The following LTBP1 variants were observed in gnomAD, a reference collection of about 807,000 sequenced individuals.
The protein encoded by LTBP1 is latent-transforming growth factor beta-binding protein 1.
LTBP1 carries 129 observed loss-of-function variants against 207.6 expected under a neutral mutation model. The ratio of observed to expected loss-of-function variants is 0.62; its 90% CI spans 0.54 to 0.72. The LOEUF is 0.72. Among genes scored for constraint, LTBP1 ranks in the 30% least tolerant of loss-of-function variants. LTBP1 has a pLI of 0.00. For synonymous variants in LTBP1, 963 were observed against 833.7 expected (o/e 1.16, Z -2.67); for missense variants, 2,281 against 2,217.2 (o/e 1.03, Z -0.58).
At chr2:33,269,164 AAAGT>A (rs1361567083) in intron 15 of LTBP1, among the ~76,000 whole-genome samples, 4 of 152,222 alleles carry the variant, frequency 2.6e-5, no homozygotes. Flanking sequence ...AAAAAAGCTA[AAAGT>A]CAGTATAGTC....
chr2:33,364,579 G>A (rs911206765), intron 30 of LTBP1, among the ~76,000 whole-genome samples: 31 of 152,204 alleles, frequency 2.0e-4, no homozygotes, highest in African/African-American at 7.2e-4. Context: ...TATGGACTAT[G>A]GAGTGGCTGA....
chr2:33,224,112 G>GA (rs2091296002), intron 9 of LTBP1, among the ~76,000 whole-genome samples: 1 of 152,138 alleles, frequency 6.6e-6, no homozygotes, highest in Admixed American at 6.5e-5. Flanking sequence ...AACCTTATAT[G>GA]CTGTTCAGGA....
At chr2:32,993,507 A>G (rs1384631056) in intron 2 of LTBP1, among the ~76,000 whole-genome samples, 1 of 152,200 alleles carries the variant, frequency 6.6e-6, no homozygotes, top group Non-Finnish European at 1.5e-5. Context: ...CCCTCAGGAA[A>G]TCCTTGCTCT....
chr2:33,254,852 G>GTTTGTTT (rs2092794627), intron 11 of LTBP1, among the ~76,000 whole-genome samples: 1 of 10,366 alleles, frequency 9.6e-5, no homozygotes, highest in Non-Finnish European at 1.5e-4. Context: ...GCGGTGTTTG[G>GTTTGTTT]TTTTTTTTTT....
chr2:33,134,704 T>C lies in LTBP1; in HGVS notation c.1034-89T>C. ...CCCCTCTTGCTCCTTTCTTTTCTTT[T>C]TTTCTGTTTTTTTAAACCTTCCAAG... On this transcript the variant is annotated intron_variant, in intron 4 of 33. Transcript: ENST00000404816. This position sits in a 1 kb window ranked among gnomAD's most constrained non-coding sequence, Gnocchi z 4.4. The C allele has an allele frequency of 6.2e-7, 1 of 1,607,600 alleles. No individual in the cohort carries two copies. Among genetic ancestry groups the C allele is most frequent in the Non-Finnish European group, 8.5e-7 (1 of 1,178,012 alleles).
intron 5 of LTBP1, among the ~76,000 whole-genome samples, chr2:33,161,261 C>CT (rs2084440374): frequency 6.9e-6 from 1 of 144,292 alleles, no homozygotes. Context: ...TTTTTTTTTT[C>CT]CTTTTTTTTT....
At chr2:33,293,316 T>C in intron 20 of LTBP1, 34 bp downstream of exon 20, 1 of 1,577,112 alleles carries the variant, frequency 6.3e-7, no homozygotes, top group Middle Eastern at 1.7e-4. Flanking sequence ...CATTTTTATT[T>C]AAACTTCATT....
intron 3 of LTBP1, among the ~76,000 whole-genome samples, chr2:33,108,962 G>C (rs1312771696): frequency 1.3e-5 from 2 of 152,224 alleles, no homozygotes; most frequent in Non-Finnish European, 2.9e-5. Context: ...TTAGTCATTA[G>C]TCTGGTGACA....
chr2:33,365,301 C>A (rs761192022), intron 30 of LTBP1, 32 bp from the exon 31 acceptor site: 1 of 1,597,518 alleles, frequency 6.3e-7, no homozygotes, highest in African/African-American at 1.3e-5. Context: ...AATAACTGTG[C>A]GATTTTCATG....
chr2:33,309,949 CTTTTT>C (rs397984258), intron 23 of LTBP1, among the ~76,000 whole-genome samples: 2 of 136,416 alleles, frequency 1.5e-5, no homozygotes, highest in African/African-American at 5.4e-5. Context: ...CCCGCCATTG[CTTTTT>C]TTTTTTTTTT....
intron 3 of LTBP1, among the ~76,000 whole-genome samples, chr2:33,021,738 C>A (rs574417407): frequency 6.6e-6 from 1 of 152,078 alleles, no homozygotes; most frequent in South Asian, 2.1e-4. Flanking sequence ...TCCCAGTTGC[C>A]GTGTGGGTCC....
At chr2:33,038,905 G>T (rs1028035224) in intron 3 of LTBP1, among the ~76,000 whole-genome samples, 2 of 152,192 alleles carry the variant, frequency 1.3e-5, no homozygotes, top group African/African-American at 4.8e-5. Context: ...ATCCTCTGGG[G>T]CTGCTTCTCG....
In LTBP1 at chr2:33,123,315, T is replaced by A. The variant is rs546941325; in HGVS notation, c.1034-11478T>A. ...CACATGGAATGGAGAATGTTCACCT[T>A]CAGTCAGTGAGTGTGGATTGGGAAA... is the stretch of plus-strand genomic sequence containing the variant. On this transcript the variant is annotated intron_variant, in intron 4 of 33. Transcript: ENST00000404816. 2.0e-5 allele frequency among the ~76,000 whole-genome samples: 3 copies of A among 152,246 alleles called. No individual in the cohort carries two copies. In the South Asian group the frequency reaches 6.2e-4, roughly 32 times the overall value.
At chr2:33,094,248 A>G (rs1572607599) in intron 3 of LTBP1, among the ~76,000 whole-genome samples, 1 of 152,180 alleles carries the variant, frequency 6.6e-6, no homozygotes, top group East Asian at 1.9e-4. Context: ...GAGAGAGTCA[A>G]AATTTAGGGG....
intron 2 of LTBP1, among the ~76,000 whole-genome samples, chr2:32,978,994 T>C (rs1682307573): frequency 1.3e-5 from 2 of 152,000 alleles, no homozygotes; most frequent in African/African-American, 4.8e-5. Flanking sequence ...TGGCATATAG[T>C]TGCTCATACT....
chr2:33,285,117 C>T (rs190293567), intron 19 of LTBP1, among the ~76,000 whole-genome samples: 1 of 149,142 alleles, frequency 6.7e-6, no homozygotes, highest in African/African-American at 2.5e-5. Context: ...TCTCGGCTCA[C>T]TGCAACCTCC....
chr2:33,363,820 T>C lies in LTBP1; in HGVS notation c.4399+302T>C, dbSNP rs534751505. On this transcript the variant is annotated intron_variant, in intron 29 of 33. Coordinates refer to ENST00000404816, the MANE Select transcript of LTBP1 (RefSeq NM_206943.4). Reference sequence around the variant, plus strand: ...GTGGAACATCCTGTTTCATCACTCATACCGTGCAAGTGACAGCCATTTTAA... The same window carrying C: ...GTGGAACATCCTGTTTCATCACTCACACCGTGCAAGTGACAGCCATTTTAA... Among the ~76,000 whole-genome samples, 8 of 152,348 alleles carry C rather than the reference T, an allele frequency of 5.3e-5. No homozygotes were observed. The East Asian group carries it at 1.5e-3, about 29-fold the overall frequency.
chr2:33,187,880 A>G (rs930233230), intron 6 of LTBP1, among the ~76,000 whole-genome samples: 2 of 152,218 alleles, frequency 1.3e-5, no homozygotes, highest in African/African-American at 2.4e-5. Context: ...AAATCCTACA[A>G]TTTTTATGAC....
chr2:32,998,190 C>T (rs1263238815), intron 2 of LTBP1, among the ~76,000 whole-genome samples: 1 of 152,012 alleles, frequency 6.6e-6, no homozygotes, highest in African/African-American at 2.4e-5. Context: ...TTGAAAGCTC[C>T]CCAAGCCATT....
Sources: gnomAD v4.1 joint callset for allele counts (sites outside exome capture counted in the v4.1 genomes callset) on GRCh38, gnomAD v4.1.1 for gene constraint, Gnocchi (gnomAD v3.1) non-coding constraint, MANE v1.5 for transcripts, NCBI Gene and HGNC (gene_info 2026-07-23, HGNC 2026-07-21) for gene names.